Variants in LTBP1 observed in about 807,000 individuals in gnomAD.
LTBP1 encodes the protein latent transforming growth factor beta binding protein 1.
LTBP1 carries 129 observed loss-of-function variants against 207.6 expected under a neutral mutation model. The observed-to-expected ratio is 0.62, with a 90% CI of 0.54 to 0.72. The LOEUF (loss-of-function observed/expected upper bound fraction) is 0.72, where lower values mean the gene tolerates loss of function less well. Ranked by LOEUF, LTBP1 falls within the 30% of genes least tolerant of loss-of-function variation. The pLI is 0.00. For missense variants in LTBP1, 2,281 were observed against 2,217.2 expected (o/e 1.03, Z -0.58); for synonymous variants, 963 against 833.7 (o/e 1.16, Z -2.67).
rs2094972856 is a variant in LTBP1, at chr2:33,365,374, G to C, written c.4582G>C (p.Glu1528Gln). 6.2e-7 allele frequency: 1 copy of C among 1,614,072 alleles called. No homozygotes were observed. Among genetic ancestry groups the C allele is most frequent in the African/African-American group, 1.3e-5 (1 of 74,930 alleles). The change falls in exon 31 of 34, where the codon GAA becomes CAA. Residue 1528 changes from glutamate (E) to glutamine (Q), a missense_variant. Physicochemically the swap from Glu to Gln is conservative, Grantham distance 29 (BLOSUM62 2). This residue lies in a region of LTBP1 where 1,671 missense variants were observed against 1,634.8 expected (regional missense o/e 1.02). Coordinates refer to ENST00000404816, the MANE Select transcript of LTBP1 (RefSeq NM_206943.4). ...ETDVYQDLCW[E>Q]HLSDEYVCSR... ...TGATGTCTACCAAGATTTGTGCTGG[G>C]AACATCTGAGTGATGAATACGTGTG...
At chr2:33,183,301 T>C (rs543981665) in intron 5 of LTBP1, among the ~76,000 whole-genome samples, 1 of 152,330 alleles carries the variant, frequency 6.6e-6, no homozygotes, top group South Asian at 2.1e-4. Context: ...TCCACTTTTG[T>C]AAAATGTCCT....
chr2:33,037,930 G>A (rs2076002713), intron 3 of LTBP1, among the ~76,000 whole-genome samples: 1 of 152,226 alleles, frequency 6.6e-6, no homozygotes, highest in East Asian at 1.9e-4. Context: ...TGTTGCCTAG[G>A]TTGGTCTTCA....
chr2:32,960,335 G>T (rs1678891448), intron 2 of LTBP1, among the ~76,000 whole-genome samples: 2 of 152,018 alleles, frequency 1.3e-5, no homozygotes, highest in Admixed American at 6.6e-5. Flanking sequence ...GCTCTATGAG[G>T]GTAGGGATTA....
At chr2:33,359,409 A>G (rs1043282335) in intron 26 of LTBP1, among the ~76,000 whole-genome samples, 3 of 152,212 alleles carry the variant, frequency 2.0e-5, no homozygotes. Flanking sequence ...GCAAAAATAA[A>G]CATATAGGAA....
chr2:33,096,600 G>A lies in LTBP1; in HGVS notation c.864-13982G>A, dbSNP rs942301375. Among the ~76,000 whole-genome samples the A allele has an allele frequency of 2.6e-5, 4 of 152,288 alleles. No individual in the cohort carries two copies. In the East Asian group the frequency reaches 7.7e-4, roughly 29 times the overall value. On this transcript the variant is annotated intron_variant, in intron 3 of 33. Transcript: ENST00000404816. Reference sequence around the variant, plus strand: ...TTTTAATGGTGCTTTGTAGTTTTCAGAGTTTTTAAAGTGTATGTTGGTTTA... The same window carrying A: ...TTTTAATGGTGCTTTGTAGTTTTCAAAGTTTTTAAAGTGTATGTTGGTTTA...
intron 20 of LTBP1, among the ~76,000 whole-genome samples, chr2:33,296,362 C>T (rs2093874655): frequency 6.6e-6 from 1 of 152,036 alleles, no homozygotes; most frequent in Non-Finnish European, 1.5e-5. Context: ...CACAACTGCC[C>T]TGTGAAGATT....
chr2:33,365,349 T>C lies in LTBP1; in HGVS notation c.4557T>C (p.Thr1519=). The part of the protein sequence containing the change: ...PAESNEQIEE[T]DVYQDLCWEH... ...CCCTTTCAGAACAAATAGAAGAAAC[T>C]GATGTCTACCAAGATTTGTGCTGGG... is the stretch of plus-strand genomic sequence containing the variant. The change falls in exon 31 of 34, where the codon ACT becomes ACC. Residue 1519 remains threonine, a synonymous_variant. Coordinates refer to ENST00000404816, the MANE Select transcript of LTBP1 (RefSeq NM_206943.4). 11 of 1,614,172 alleles carry C rather than the reference T, an allele frequency of 6.8e-6. No individual in the cohort carries two copies. The highest frequency in any genetic ancestry group is 9.3e-6 in the Non-Finnish European group (11 of 1,180,016).
At chr2:32,982,339 C>A (rs1269236758) in intron 2 of LTBP1, among the ~76,000 whole-genome samples, 2 of 152,084 alleles carry the variant, frequency 1.3e-5, no homozygotes, top group African/African-American at 4.8e-5. Context: ...AAGTGGCAAA[C>A]TGTTCAAGAG....
At chr2:33,363,104 T>A (rs1310908073) in intron 28 of LTBP1, among the ~76,000 whole-genome samples, 1 of 152,234 alleles carries the variant, frequency 6.6e-6, no homozygotes, top group Non-Finnish European at 1.5e-5. Context: ...ATAGACCATT[T>A]CATCAAATAT....
intron 4 of LTBP1, among the ~76,000 whole-genome samples, chr2:33,116,436 A>G (rs2080749465): frequency 6.6e-6 from 1 of 152,222 alleles, no homozygotes; most frequent in African/African-American, 2.4e-5. Context: ...TAACTTCTTA[A>G]AGGTCTTTAA....
intron 9 of LTBP1, among the ~76,000 whole-genome samples, chr2:33,235,109 A>G (rs1305398325): frequency 2.0e-5 from 3 of 152,268 alleles, no homozygotes; most frequent in Admixed American, 1.3e-4. Context: ...CAGTGCAAAC[A>G]GGCAAACTAC....
chr2:33,167,469 T>C (rs1367488171), intron 5 of LTBP1, among the ~76,000 whole-genome samples: 1 of 152,222 alleles, frequency 6.6e-6, no homozygotes. Flanking sequence ...AAACTGTTTC[T>C]TTCTTTCTGG....
chr2:33,100,354 A>G (rs1324548416), intron 3 of LTBP1, among the ~76,000 whole-genome samples: 2 of 152,056 alleles, frequency 1.3e-5, no homozygotes, highest in African/African-American at 4.8e-5. Flanking sequence ...GGGGATAAAG[A>G]CATATTTGAA....
chr2:33,086,482 T>C (rs572604178), intron 3 of LTBP1, among the ~76,000 whole-genome samples: 2 of 152,318 alleles, frequency 1.3e-5, no homozygotes, highest in South Asian at 4.1e-4. Context: ...ATAATGGAGC[T>C]TGCCATTGAC....
intron 3 of LTBP1, among the ~76,000 whole-genome samples, chr2:33,031,601 A>G (rs893330448): frequency 6.6e-6 from 1 of 152,208 alleles, no homozygotes; most frequent in African/African-American, 2.4e-5. Flanking sequence ...CAGGGGCTGG[A>G]GGACTGGACT....
At chr2:33,002,385 T>G (rs1351870933) in intron 2 of LTBP1, among the ~76,000 whole-genome samples, 6 of 152,166 alleles carry the variant, frequency 3.9e-5, no homozygotes, top group Admixed American at 3.9e-4. Flanking sequence ...TAAGGACAGG[T>G]AAAACCACCT....
intron 2 of LTBP1, among the ~76,000 whole-genome samples, chr2:32,985,633 A>G (rs1043057133): frequency 3.3e-5 from 5 of 152,204 alleles, no homozygotes; most frequent in African/African-American, 7.2e-5. Flanking sequence ...AACTCACCTA[A>G]TTGATCCAAC....
chr2:33,092,525 C>T (rs2079159785), intron 3 of LTBP1, among the ~76,000 whole-genome samples: 1 of 152,166 alleles, frequency 6.6e-6, no homozygotes, highest in Admixed American at 6.5e-5. Flanking sequence ...CTGGGTTATT[C>T]CTCACTCCCT....
chr2:33,224,715 A>T (rs1252942836), intron 9 of LTBP1, among the ~76,000 whole-genome samples: 1 of 152,258 alleles, frequency 6.6e-6, no homozygotes, highest in Non-Finnish European at 1.5e-5. Flanking sequence ...ATTAATATGA[A>T]ATGTTTTCCT....
Sources: allele counts gnomAD v4.1 joint callset (sites outside exome capture counted in the v4.1 genomes callset), GRCh38; gene constraint gnomAD v4.1.1; regional missense constraint gnomAD v4.1.1; transcripts MANE v1.5; gene names NCBI Gene and HGNC (gene_info 2026-07-23, HGNC 2026-07-21).